Variants in CDKN2B-AS1 observed in about 807,000 individuals in gnomAD.
The protein encoded by CDKN2B-AS1 is CDKN2B and CDKN2A antisense cis and trans regulatory RNA 1.
chr9:22,123,449 G>C (rs1445740732), intron 4 of CDKN2B-AS1, among the ~76,000 whole-genome samples: 1 of 152,136 alleles, frequency 6.6e-6, no homozygotes, highest in Non-Finnish European at 1.5e-5. Flanking sequence ...GGAAATGCTA[G>C]TGTAGCTGAG....
chr9:22,089,292 A>T (rs1824979328), intron 4 of CDKN2B-AS1, among the ~76,000 whole-genome samples: 1 of 152,250 alleles, frequency 6.6e-6, no homozygotes, highest in Non-Finnish European at 1.5e-5. Flanking sequence ...AATGTTGAAG[A>T]CAAAATCTTG....
At chr9:22,048,855 C>G (rs1823217710) in intron 2 of CDKN2B-AS1, among the ~76,000 whole-genome samples, 1 of 152,122 alleles carries the variant, frequency 6.6e-6, no homozygotes, top group African/African-American at 2.4e-5. Context: ...TATTTAATGG[C>G]AAACTTAGTC....
chr9:22,045,047 T>TGTGA (rs1337765694), intron 1 of CDKN2B-AS1, among the ~76,000 whole-genome samples: 17 of 151,096 alleles, frequency 1.1e-4, no homozygotes, highest in Admixed American at 8.0e-4. Context: ...TTTGTGTGTG[T>TGTGA]GTGTGTGTGT....
chr9:22,121,385 C>T (rs1348886302), intron 4 of CDKN2B-AS1, among the ~76,000 whole-genome samples: 1 of 151,660 alleles, frequency 6.6e-6, no homozygotes, highest in South Asian at 2.1e-4. Flanking sequence ...AAAAACTGTA[C>T]AAAATTCATA....
rs1288027533 is a variant in CDKN2B-AS1, at chr9:22,006,959, A to G, written n.29+11798A>G. On this transcript the variant is annotated intron_variant and non_coding_transcript_variant, in intron 1 of 4. Transcript: ENST00000650946. This position sits in a 1 kb window ranked among gnomAD's most constrained non-coding sequence, Gnocchi z 6.4. ...CTTAACAGTTCATCATTTTAAATTT[A>G]GACTATAATATTTTTAATGTAATAT... is the stretch of plus-strand genomic sequence containing the variant. 6.6e-6 allele frequency among the ~76,000 whole-genome samples: 1 copy of G among 152,192 alleles called. No homozygotes were observed. Among genetic ancestry groups the G allele is most frequent in the Non-Finnish European group, 1.5e-5 (1 of 68,044 alleles).
chr9:22,025,366 T>C (rs1453098724), intron 1 of CDKN2B-AS1, among the ~76,000 whole-genome samples: 4 of 152,134 alleles, frequency 2.6e-5, no homozygotes, highest in Admixed American at 6.5e-5. Flanking sequence ...TTTGCTCCTT[T>C]ATTAGTCAGA....
chr9:22,098,817 G>A (rs571302379), intron 4 of CDKN2B-AS1, among the ~76,000 whole-genome samples: 16 of 152,282 alleles, frequency 1.1e-4, no homozygotes, highest in African/African-American at 3.6e-4. Context: ...CCCCTACACT[G>A]TGCTGACCAC....
At chr9:22,050,851 G>T (rs1012136567) in intron 3 of CDKN2B-AS1, among the ~76,000 whole-genome samples, 1 of 152,176 alleles carries the variant, frequency 6.6e-6, no homozygotes, top group African/African-American at 2.4e-5. Flanking sequence ...GTTCACCTCA[G>T]TGGGATCCAG....
chr9:22,010,579 C>T (rs1821448905), intron 1 of CDKN2B-AS1, among the ~76,000 whole-genome samples: 1 of 152,114 alleles, frequency 6.6e-6, no homozygotes, highest in Non-Finnish European at 1.5e-5. Context: ...AAAAAAAGCT[C>T]TTTCTTTTAA....
chr9:22,040,668 G>A (rs1822861079), intron 1 of CDKN2B-AS1, among the ~76,000 whole-genome samples: 1 of 152,008 alleles, frequency 6.6e-6, no homozygotes, highest in African/African-American at 2.4e-5. Flanking sequence ...TAAACAGAAG[G>A]TAAACAGAAG....
At chr9:22,009,228 C>T (rs966528213) in intron 1 of CDKN2B-AS1, 5 of 579,568 alleles carry the variant, frequency 8.6e-6, no homozygotes, top group African/African-American at 7.5e-5. Flanking sequence ...GCGGACGCAG[C>T]CGAGCTCAAA....
At chr9:22,008,584 C>A in intron 1 of CDKN2B-AS1, 3 of 1,384,114 alleles carry the variant, frequency 2.2e-6, no homozygotes, top group Non-Finnish European at 2.9e-6. Flanking sequence ...AGAACAAAAA[C>A]CACTAAAAAA....
At chr9:22,014,031 CTCTT>C (rs755283317) in intron 1 of CDKN2B-AS1, among the ~76,000 whole-genome samples, 1 of 152,108 alleles carries the variant, frequency 6.6e-6, no homozygotes, top group Non-Finnish European at 1.5e-5. Context: ...ATATGGTTGT[CTCTT>C]TCTGTGATTC....
chr9:22,005,066 C>A lies in CDKN2B-AS1; in HGVS notation n.29+9905C>A, dbSNP rs1821096990. 1 of 232,968 alleles carries A rather than the reference C, an allele frequency of 4.3e-6. No individual in the cohort carries two copies. Among genetic ancestry groups the A allele is most frequent in the Admixed American group, 5.6e-5 (1 of 17,754 alleles). The allele number at this position is 232,968 out of a possible 1,614,324, so 14.4% of individuals were successfully genotyped here. On this transcript the variant is annotated intron_variant and non_coding_transcript_variant, in intron 1 of 4. Transcript: ENST00000650946. The surrounding 1 kb of genome is among the most constrained non-coding windows in gnomAD (Gnocchi z 4.9). ...AACAACTAAAAAGTACAAAATATCA[C>A]AAAATCAAAAAGTAGCAAGTCATAA...
chr9:22,022,758 T>A (rs1406304580), intron 1 of CDKN2B-AS1, among the ~76,000 whole-genome samples: 1 of 152,238 alleles, frequency 6.6e-6, no homozygotes, highest in Non-Finnish European at 1.5e-5. Context: ...TTATAGTGAC[T>A]GGTAATGGTC....
intron 1 of CDKN2B-AS1, chr9:22,008,678 C>T (rs771395123): frequency 1.9e-5 from 31 of 1,608,730 alleles, no homozygotes; most frequent in Middle Eastern, 3.3e-4. Flanking sequence ...TGCACACCTC[C>T]GGCCAACGGA....
chr9:22,081,216 TGG>T (rs565373557), intron 4 of CDKN2B-AS1, among the ~76,000 whole-genome samples: 1 of 152,104 alleles, frequency 6.6e-6, no homozygotes, highest in Admixed American at 6.5e-5. Context: ...ACTGTTTTTA[TGG>T]GGTTGTGCCC....
intron 4 of CDKN2B-AS1, among the ~76,000 whole-genome samples, chr9:22,074,701 T>C (rs1160396912): frequency 6.6e-6 from 1 of 152,174 alleles, no homozygotes; most frequent in Non-Finnish European, 1.5e-5. Context: ...TTTACTAGGT[T>C]CCTGTTCTTC....
chr9:22,028,747 T>C (rs1395297888), intron 1 of CDKN2B-AS1, among the ~76,000 whole-genome samples: 2 of 152,208 alleles, frequency 1.3e-5, no homozygotes, highest in Non-Finnish European at 2.9e-5. Context: ...ATGTGACTGA[T>C]CTTTATGTAT....
Sources: allele counts gnomAD v4.1 joint callset (sites outside exome capture counted in the v4.1 genomes callset), GRCh38; gene constraint gnomAD v4.1.1; non-coding constraint Gnocchi (gnomAD v3.1); transcripts MANE v1.5; gene names NCBI Gene and HGNC (gene_info 2026-07-23, HGNC 2026-07-21).